EPN2: variants seen among roughly 807,000 people sequenced by gnomAD.
EPN2 encodes the protein epsin-2.
A neutral mutation model predicts 61.7 loss-of-function variants in EPN2; 34 were observed. That is an observed-to-expected ratio of 0.55 (90% CI 0.42 to 0.73). The LOEUF is 0.73. Among genes scored for constraint, EPN2 ranks in the 30% least tolerant of loss-of-function variants. The probability of loss-of-function intolerance (pLI) is 0.00; values close to 1 mark genes in which losing one functional copy is unlikely to be tolerated. For missense variants in EPN2, 714 were observed against 839.2 expected (o/e 0.85, Z 1.84); for synonymous variants, 349 against 353.6 (o/e 0.99, Z 0.15).
chr17:19,267,760 C>A (rs1359911274), intron 1 of EPN2, among the ~76,000 whole-genome samples: 12 of 152,044 alleles, frequency 7.9e-5, no homozygotes, highest in Admixed American at 7.9e-4. Flanking sequence ...TCAGGCTGGT[C>A]TCGAACTCCT....
At chr17:19,249,861 T>TG (rs1477789735) in intron 1 of EPN2, among the ~76,000 whole-genome samples, 11 of 151,984 alleles carry the variant, frequency 7.2e-5, no homozygotes, top group Non-Finnish European at 5.9e-5. Flanking sequence ...CTGGAGGCTC[T>TG]GGGGGGGAAC....
intron 7 of EPN2, among the ~76,000 whole-genome samples, chr17:19,326,385 ATAAT>A (rs1342519682): frequency 6.6e-6 from 1 of 152,068 alleles, no homozygotes; most frequent in Non-Finnish European, 1.5e-5. Context: ...GTTTGTGAGG[ATAAT>A]TAAGAAGGTG....
At chr17:19,318,820 G>A (rs1345060544) in intron 7 of EPN2, among the ~76,000 whole-genome samples, 2 of 152,066 alleles carry the variant, frequency 1.3e-5, no homozygotes, top group South Asian at 4.1e-4. Flanking sequence ...GGGTCAGCGT[G>A]CTGCTGGCTC....
At chr17:19,273,279 G>C (rs2045273560) in intron 1 of EPN2, 1 of 152,032 alleles carries the variant, frequency 6.6e-6, no homozygotes. Flanking sequence ...TTTAGAGGTT[G>C]GTTCTTCCTA....
Position 19,335,495 on chromosome 17 carries a change from C to T in EPN2, c.*1241C>T. The T allele has an allele frequency of 6.5e-7, 1 of 1,544,442 alleles. No individual in the cohort carries two copies. Among genetic ancestry groups the T allele is most frequent in the Non-Finnish European group, 8.7e-7 (1 of 1,143,482 alleles). ...CTTGTGTGTCTGTGATCTCCTCTGT[C>T]TTAATCCACGCTCAGGCTAAAGATG... On this transcript the variant is annotated 3_prime_UTR_variant, in exon 11 of 11. Coordinates refer to ENST00000314728, the MANE Select transcript of EPN2 (RefSeq NM_014964.5).
At chr17:19,319,197 A>AC (rs1469188023) in intron 7 of EPN2, among the ~76,000 whole-genome samples, 2 of 150,374 alleles carry the variant, frequency 1.3e-5, no homozygotes, top group Non-Finnish European at 3.0e-5. Context: ...CCCTGTCTCA[A>AC]AAAAAAAAAA....
intron 7 of EPN2, among the ~76,000 whole-genome samples, chr17:19,327,782 TAAACTA>T (rs1474589104): frequency 2.0e-5 from 3 of 152,104 alleles, no homozygotes; most frequent in Non-Finnish European, 4.4e-5. Context: ...CCCTACAAGA[TAAACTA>T]GAAGGAGAAA....
At chr17:19,274,925 T>G (rs1263642616) in intron 1 of EPN2, among the ~76,000 whole-genome samples, 2 of 152,206 alleles carry the variant, frequency 1.3e-5, no homozygotes, top group Non-Finnish European at 2.9e-5. Context: ...CAGTCTCTAC[T>G]CTCATTTGAA....
chr17:19,249,349 C>T (rs2044987793), intron 1 of EPN2: 1 of 152,232 alleles, frequency 6.6e-6, no homozygotes, highest in Admixed American at 6.5e-5. Flanking sequence ...CCTGAAGAGC[C>T]CTCACTTTTT....
rs150596595 is a variant in EPN2, at chr17:19,304,781, C to G, written c.767-5104C>G. Among the ~76,000 whole-genome samples, 461 of 152,318 alleles carry G rather than the reference C, an allele frequency of 3.0e-3. 3 individuals are homozygous for G. Among genetic ancestry groups the G allele is most frequent in the Non-Finnish European group, 3.2e-3 (221 of 68,002 alleles). ...TCCCACTGCTTGTCAGCGGTGGGGA[C>G]AAGATTTGTCCGTCCAGTGCTCTTT... On this transcript the variant is annotated intron_variant, in intron 4 of 10. Transcript: ENST00000314728.
Position 19,331,895 on chromosome 17 carries a change from C to T in EPN2, c.1454C>T (p.Thr485Ile), listed in dbSNP as rs375956789. 3 of 1,614,184 alleles carry T rather than the reference C, an allele frequency of 1.9e-6. No homozygotes were observed. The highest frequency in any genetic ancestry group is 2.5e-6 in the Non-Finnish European group (3 of 1,180,040). ...CTGCCATCCCAAAACAATGGAACTA[C>T]CAGCCCTGACCCCTTTGAGTCTCAA... ...TSLPSQNNGT[T>I]SPDPFESQPL... The change falls in exon 10 of 11, where the codon ACC becomes ATC. Residue 485 changes from threonine to isoleucine, a missense_variant. By Grantham distance (89) the Thr-to-Ile change is moderately conservative. Transcript: ENST00000314728.
rs778205804 is a variant in EPN2, at chr17:19,283,298, T to C, written c.179T>C (p.Val60Ala). 1.4e-5 allele frequency: 23 copies of C among 1,613,776 alleles called. No individual in the cohort carries two copies. The highest frequency in any genetic ancestry group is 2.2e-5 in the East Asian group (1 of 44,868). ...VVAFSEIMSMVWKRLNDHGKN... is the reference protein window; with the variant it reads ...VVAFSEIMSMAWKRLNDHGKN... ...GCCTTCTCGGAGATCATGAGCATGGTGTGGAAGCGGCTGAATGACCATGGC... is the reference window on the plus strand; with the variant it reads ...GCCTTCTCGGAGATCATGAGCATGGCGTGGAAGCGGCTGAATGACCATGGC... The change falls in exon 3 of 11, where the codon GTG becomes GCG. Residue 60 changes from valine to alanine, a missense_variant. This residue lies in a region of EPN2 where 304 missense variants were observed against 417.4 expected (regional missense o/e 0.73). Coordinates refer to ENST00000314728, the MANE Select transcript of EPN2 (RefSeq NM_014964.5). This position sits in a 1 kb window ranked among gnomAD's most constrained non-coding sequence, Gnocchi z 7.0.
chr17:19,313,154 T>TCCCCAGCTCGGGC lies in EPN2; in HGVS notation c.1026_1038dup (p.Ala347GlnfsTer19). On this transcript the variant is annotated frameshift_variant, in exon 7 of 11. Coordinates refer to ENST00000314728, the MANE Select transcript of EPN2 (RefSeq NM_014964.5). LOFTEE classifies it high-confidence loss of function. ...ACGCTGTTGGATTTAATGGATGCTC[T>TCCCCAGCTCGGGC]CCCCAGCTCGGGCCCCGCGGCCCAG... is the stretch of plus-strand genomic sequence containing the variant. The TCCCCAGCTCGGGC allele has an allele frequency of 6.2e-7, 1 of 1,613,836 alleles. No homozygotes were observed. The highest frequency in any genetic ancestry group is 8.5e-7 in the Non-Finnish European group (1 of 1,179,852).
At position 19,306,280 on chromosome 17, in the gene EPN2, A is replaced by G. The variant is rs569511911; in HGVS notation, c.767-3605A>G. ...GACGTCTGTGTTCACTGTCATGTGC[A>G]TGGGCACAAGAGGCCCTTTGTGGAG... On this transcript the variant is annotated intron_variant, in intron 4 of 10. Transcript: ENST00000314728. 5 of 152,408 alleles carry G rather than the reference A, an allele frequency of 3.3e-5. No homozygotes were observed. In the South Asian group the frequency reaches 8.3e-4, roughly 25 times the overall value. 9.4% of individuals were successfully genotyped at this position (152,408 alleles called of 1,614,324 possible).
rs2045442645 is a variant in EPN2, at chr17:19,289,724, G to GTTTTTTTTTTTTTGTT, written c.766+3947_766+3948insGTTTTTTTTTTTTTTT. On this transcript the variant is annotated intron_variant, in intron 4 of 10. Coordinates refer to ENST00000314728, the MANE Select transcript of EPN2 (RefSeq NM_014964.5). ...TGTTCGGCCTCACCTGGCGCTCATG[G>GTTTTTTTTTTTTTGTT]TTTTTTTTTTTTTTTTTTTTGAGAT... is the stretch of plus-strand genomic sequence containing the variant. 5.3e-4 allele frequency among the ~76,000 whole-genome samples: 41 copies of GTTTTTTTTTTTTTGTT among 78,042 alleles called. 2 individuals are homozygous for GTTTTTTTTTTTTTGTT. Among genetic ancestry groups the GTTTTTTTTTTTTTGTT allele is most frequent in the African/African-American group, 2.0e-3 (41 of 20,902 alleles). 51.2% of individuals were successfully genotyped at this position (78,042 alleles called of 152,430 possible).
At position 19,335,549 on chromosome 17, in the gene EPN2, G is replaced by A. The variant is rs903556984; in HGVS notation, c.*1295G>A. On this transcript the variant is annotated 3_prime_UTR_variant, in exon 11 of 11. Transcript: ENST00000314728. ...ATAATGTGGAAATGGCAGTTGTCCC[G>A]AGGGCGTGGGGTGGGGGGTGCTTCT... is the stretch of plus-strand genomic sequence containing the variant. 2.4e-5 allele frequency: 35 copies of A among 1,445,674 alleles called. No homozygotes were observed. The highest frequency in any genetic ancestry group is 3.2e-5 in the Non-Finnish European group (34 of 1,066,302). The allele number at this position is 1,445,674 out of a possible 1,614,324, so 89.6% of individuals were successfully genotyped here. A position where few individuals can be genotyped will look rare whatever the true frequency, so the allele number is the denominator to read the frequency against.
intron 1 of EPN2, among the ~76,000 whole-genome samples, chr17:19,253,468 G>T (rs1162287312): frequency 6.9e-6 from 1 of 144,972 alleles, no homozygotes; most frequent in African/African-American, 2.6e-5. Context: ...AGGCTGGAGT[G>T]CAGTGGTGTG....
chr17:19,302,993 T>C (rs910590943), intron 4 of EPN2, among the ~76,000 whole-genome samples: 2 of 152,130 alleles, frequency 1.3e-5, no homozygotes, highest in African/African-American at 4.8e-5. Context: ...TGGGCGAGTG[T>C]CAGAGACGGA....
chr17:19,334,150 T>C lies in EPN2; in HGVS notation c.1822T>C (p.Ser608Pro), dbSNP rs780936050. 1.2e-6 allele frequency: 2 copies of C among 1,604,834 alleles called. No individual in the cohort carries two copies. Among genetic ancestry groups the C allele is most frequent in the Non-Finnish European group, 8.5e-7 (1 of 1,175,212 alleles). Residue 608 changes from serine (S) to proline (P), a missense_variant, in exon 11 of 11, where the codon TCT (serine) becomes CCT (proline). Ser to Pro is a moderately conservative substitution (Grantham distance 74, BLOSUM62 -1). Transcript: ENST00000314728. This position sits in a 1 kb window ranked among gnomAD's most constrained non-coding sequence, Gnocchi z 4.9. ...GCCAGCTCTGGGGGCCACTGGTTCC[T>C]CTCTGACACCACTGGGCCCTGCAAT... ...PQPALGATGSSLTPLGPAMMN... is the reference protein window; with the variant it reads ...PQPALGATGSPLTPLGPAMMN...
Sources: allele counts gnomAD v4.1 joint callset (sites outside exome capture counted in the v4.1 genomes callset), GRCh38; gene constraint gnomAD v4.1.1; regional missense constraint gnomAD v4.1.1; non-coding constraint Gnocchi (gnomAD v3.1); transcripts MANE v1.5; gene names NCBI Gene and HGNC (gene_info 2026-07-23, HGNC 2026-07-21).